Variants in GRM5 observed in about 807,000 individuals in gnomAD.
GRM5 encodes metabotropic glutamate receptor 5.
Under a neutral mutation model 83.1 loss-of-function variants are expected in GRM5, and 19 were observed. That is an observed-to-expected ratio of 0.23 (90% CI 0.16 to 0.34). The LOEUF (loss-of-function observed/expected upper bound fraction) is 0.34, where lower values mean the gene tolerates loss of function less well. Ranked by LOEUF, GRM5 falls within the 10% of genes least tolerant of loss-of-function variation. GRM5 has a pLI of 1.00. For synonymous variants in GRM5, 675 were observed against 633.6 expected (o/e 1.07, Z -0.98); for missense variants, 1,160 against 1,588.3 (o/e 0.73, Z 4.58).
At chr11:88,695,641 C>T (rs1394053380) in intron 3 of GRM5, among the ~76,000 whole-genome samples, 1 of 152,164 alleles carries the variant, frequency 6.6e-6, no homozygotes, top group Non-Finnish European at 1.5e-5. Flanking sequence ...CTTTTCTATA[C>T]CTTCCAAATA....
At chr11:89,063,036 G>C (rs2135175766) in intron 1 of GRM5, among the ~76,000 whole-genome samples, 1 of 152,358 alleles carries the variant, frequency 6.6e-6, no homozygotes, top group Non-Finnish European at 1.5e-5. Context: ...ACCACCCGCT[G>C]TCCCCCCTCT....
Position 88,776,138 on chromosome 11 carries a change from T to C in GRM5, c.911+73768A>G, listed in dbSNP as rs568339859. On this transcript the variant is annotated intron_variant, in intron 3 of 9. Coordinates refer to ENST00000305447, the MANE Select transcript of GRM5 (RefSeq NM_001143831.3). The stretch of plus-strand genomic sequence containing the variant: ...TCTGGGTGCTCCTGTATTGGGTGCA[T>C]ATATATTTAGGATAGTTAGCTCTTC... Among the ~76,000 whole-genome samples the C allele has an allele frequency of 4.6e-5, 7 of 152,286 alleles. No individual in the cohort carries two copies. The East Asian group carries it at 1.2e-3, about 25-fold the overall frequency.
chr11:88,965,207 T>C (rs1329744114), intron 2 of GRM5, among the ~76,000 whole-genome samples: 4 of 152,164 alleles, frequency 2.6e-5, no homozygotes, highest in South Asian at 4.1e-4. Context: ...GCTTATAAAC[T>C]TTAGAAATTT....
At chr11:88,817,700 T>C (rs1412374805) in intron 3 of GRM5, among the ~76,000 whole-genome samples, 1 of 152,128 alleles carries the variant, frequency 6.6e-6, no homozygotes, top group Non-Finnish European at 1.5e-5. Context: ...TATTAAATTA[T>C]TGGATGCTAA....
intron 3 of GRM5, among the ~76,000 whole-genome samples, chr11:88,723,473 G>T (rs1021878418): frequency 6.6e-6 from 1 of 152,098 alleles, no homozygotes; most frequent in South Asian, 2.1e-4. Flanking sequence ...GTATTCCAAA[G>T]TGGCTATGCC....
intron 2 of GRM5, among the ~76,000 whole-genome samples, chr11:88,892,022 T>C (rs1175678755): frequency 6.6e-6 from 1 of 152,106 alleles, no homozygotes; most frequent in Non-Finnish European, 1.5e-5. Flanking sequence ...AATAATTAAG[T>C]AAGTTATACT....
chr11:88,649,655 G>C (rs1407894964), intron 4 of GRM5, among the ~76,000 whole-genome samples: 2 of 150,984 alleles, frequency 1.3e-5, no homozygotes, highest in African/African-American at 4.9e-5. Flanking sequence ...AAAAAAATAA[G>C]AATGAAGCAA....
chr11:88,871,434 C>T (rs1944765584), intron 2 of GRM5, among the ~76,000 whole-genome samples: 1 of 151,464 alleles, frequency 6.6e-6, no homozygotes, highest in African/African-American at 2.4e-5. Flanking sequence ...TGGAAAGGTG[C>T]CCTATAGTGT....
chr11:89,009,152 A>G (rs1392910913), intron 2 of GRM5: 3 of 696,340 alleles, frequency 4.3e-6, no homozygotes, highest in South Asian at 1.6e-5. Context: ...AAGGTTTTAT[A>G]AGTTAATTTT....
At chr11:88,989,160 A>T (rs1231423701) in intron 2 of GRM5, among the ~76,000 whole-genome samples, 2 of 148,916 alleles carry the variant, frequency 1.3e-5, no homozygotes, top group Non-Finnish European at 3.0e-5. Context: ...AAAAGGATGG[A>T]GGAAGATCTA....
intron 3 of GRM5, among the ~76,000 whole-genome samples, chr11:88,811,324 C>T (rs12272199): frequency 0.025 from 3,864 of 152,052 alleles, 172 homozygotes; most frequent in African/African-American, 0.089. Flanking sequence ...GCATTAAAAG[C>T]GGGATATGAA....
intron 3 of GRM5, among the ~76,000 whole-genome samples, chr11:88,743,027 A>C (rs974260613): frequency 6.6e-6 from 1 of 152,154 alleles, no homozygotes; most frequent in South Asian, 2.1e-4. Context: ...GAAAAGATGC[A>C]TTTAAAAACA....
At chr11:89,016,017 A>T (rs1940844307) in intron 2 of GRM5, among the ~76,000 whole-genome samples, 1 of 152,274 alleles carries the variant, frequency 6.6e-6, no homozygotes, top group East Asian at 1.9e-4. Context: ...GCAGATATTG[A>T]AACAATCAAA....
intron 4 of GRM5, among the ~76,000 whole-genome samples, chr11:88,627,903 A>T (rs181105863): frequency 3.3e-5 from 5 of 152,204 alleles, no homozygotes; most frequent in African/African-American, 1.2e-4. Context: ...ATTCTTCAAC[A>T]ATTAAGATAT....
At chr11:88,583,222 A>G (rs1416995034) in intron 7 of GRM5, among the ~76,000 whole-genome samples, 1 of 152,132 alleles carries the variant, frequency 6.6e-6, no homozygotes, top group Admixed American at 6.5e-5. Context: ...AAAACCTGCC[A>G]GTGGTTACAC....
chr11:88,995,996 A>G (rs563969924), intron 2 of GRM5, among the ~76,000 whole-genome samples: 1 of 152,270 alleles, frequency 6.6e-6, no homozygotes, highest in South Asian at 2.1e-4. Context: ...GAAAGAAAAA[A>G]GAAAAGAAAA....
chr11:88,660,396 G>A (rs1462571606), intron 3 of GRM5, among the ~76,000 whole-genome samples: 1 of 152,142 alleles, frequency 6.6e-6, no homozygotes, highest in East Asian at 1.9e-4. Flanking sequence ...TATATACAAT[G>A]GGCATGGATT....
At chr11:89,036,458 G>A (rs539179910) in intron 2 of GRM5, among the ~76,000 whole-genome samples, 1 of 152,150 alleles carries the variant, frequency 6.6e-6, no homozygotes, top group Non-Finnish European at 1.5e-5. Flanking sequence ...TCAAGGCCAA[G>A]ATAAGGCAAG....
At chr11:89,007,253 C>G (rs573004182) in intron 2 of GRM5, among the ~76,000 whole-genome samples, 43 of 152,316 alleles carry the variant, frequency 2.8e-4, no homozygotes, top group African/African-American at 1.0e-3. Context: ...AATTTGCATC[C>G]TTCCAACCAG....
Sources: gnomAD v4.1 joint callset for allele counts (sites outside exome capture counted in the v4.1 genomes callset) on GRCh38, gnomAD v4.1.1 for gene constraint, MANE v1.5 for transcripts, NCBI Gene and HGNC (gene_info 2026-07-23, HGNC 2026-07-21) for gene names.